Variants in C10orf90 observed in about 807,000 individuals in gnomAD.
The protein encoded by C10orf90 is (E2-independent) E3 ubiquitin-conjugating enzyme FATS.
Under a neutral mutation model 62.5 loss-of-function variants are expected in C10orf90, and 56 were observed. The observed-to-expected ratio is 0.90, with a 90% CI of 0.72 to 1.12. The LOEUF is 1.12. Among genes scored for constraint, C10orf90 ranks in the 50% most tolerant of loss-of-function variants. The pLI is 0.00. For missense variants in C10orf90, 970 were observed against 880.4 expected (o/e 1.10, Z -1.29); for synonymous variants, 386 against 340.4 (o/e 1.13, Z -1.47).
chr10:126,504,856 T>G lies in C10orf90; in HGVS notation c.635A>C (p.Glu212Ala), dbSNP rs750494489. The change falls in exon 4 of 10, where the codon GAG becomes GCG. Residue 212 changes from glutamate to alanine, a missense_variant. Coordinates refer to ENST00000488181, the MANE Select transcript of C10orf90 (RefSeq NM_001350921.2). The surrounding 1 kb of genome is among the most constrained non-coding windows in gnomAD (Gnocchi z 4.1). ...CGGCAGCTCTGCCTCAGGTCCTCGC[T>G]CATCTGACGGTGCCGGGATTCCTAA... ...GRLGIPAPSD[E>A]RGPEAELPPK... 5.9e-5 allele frequency: 95 copies of G among 1,612,390 alleles called. No homozygotes were observed. The highest frequency in any genetic ancestry group is 7.8e-5 in the Non-Finnish European group (92 of 1,178,924).
intron 1 of C10orf90, among the ~76,000 whole-genome samples, chr10:126,654,154 TAA>T (rs1451252818): frequency 1.3e-5 from 2 of 152,286 alleles, no homozygotes; most frequent in Non-Finnish European, 2.9e-5. Context: ...GGTTTCAACT[TAA>T]GTTACCTGCT....
intron 1 of C10orf90, among the ~76,000 whole-genome samples, chr10:126,667,042 A>AT (rs200375180): frequency 1.7e-4 from 25 of 144,020 alleles, no homozygotes; most frequent in African/African-American, 3.3e-4. Context: ...GCTAAACCCA[A>AT]TTTTTTTTTG....
At chr10:126,436,286 C>T (rs1273057842) in intron 7 of C10orf90, among the ~76,000 whole-genome samples, 5 of 152,200 alleles carry the variant, frequency 3.3e-5, no homozygotes, top group Non-Finnish European at 5.9e-5. Context: ...CAAAGTGGTA[C>T]AGACTATTTT....
chr10:126,668,647 C>T (rs951364643), intron 1 of C10orf90, among the ~76,000 whole-genome samples: 26 of 152,192 alleles, frequency 1.7e-4, no homozygotes, highest in Non-Finnish European at 7.3e-5. Context: ...GGTTTTCAAA[C>T]TTGGCCCGCC....
chr10:126,632,083 C>T (rs745992935), intron 2 of C10orf90, among the ~76,000 whole-genome samples: 43 of 152,050 alleles, frequency 2.8e-4, no homozygotes, highest in Admixed American at 1.2e-3. Context: ...AGAATGACCT[C>T]GAAGAGACAC....
intron 4 of C10orf90, among the ~76,000 whole-genome samples, chr10:126,503,100 AAATAGAAAGT>A (rs1449493157): frequency 5.9e-5 from 9 of 152,328 alleles, no homozygotes; most frequent in African/African-American, 2.2e-4. Context: ...ACTTTTTTCC[AAATAGAAAGT>A]AATTCATAAA....
At chr10:126,567,932 G>C (rs1844426902) in intron 2 of C10orf90, among the ~76,000 whole-genome samples, 1 of 152,100 alleles carries the variant, frequency 6.6e-6, no homozygotes, top group Non-Finnish European at 1.5e-5. Context: ...TCCAGGAGAA[G>C]AAATGAGTGG....
At chr10:126,628,919 C>A (rs538895682) in intron 2 of C10orf90, among the ~76,000 whole-genome samples, 48 of 152,204 alleles carry the variant, frequency 3.2e-4, no homozygotes, top group South Asian at 8.3e-4. Flanking sequence ...ACACTGCTAT[C>A]ATGGGTGCCC....
intron 1 of C10orf90, among the ~76,000 whole-genome samples, chr10:126,669,715 T>G (rs1038460736): frequency 6.6e-6 from 1 of 152,088 alleles, no homozygotes; most frequent in Non-Finnish European, 1.5e-5. Context: ...TTTTTTTTTT[T>G]TTTACAAAGT....
chr10:126,578,252 G>T (rs907194847), intron 2 of C10orf90, among the ~76,000 whole-genome samples: 1 of 152,094 alleles, frequency 6.6e-6, no homozygotes, highest in African/African-American at 2.4e-5. Flanking sequence ...CAAAGAATTT[G>T]TATCCAGAGT....
chr10:126,513,775 A>G (rs544214132), intron 3 of C10orf90, 73 bp downstream of exon 3: 11 of 917,550 alleles, frequency 1.2e-5, no homozygotes, highest in Admixed American at 1.9e-5. Context: ...TCACATCACA[A>G]GTAGGTCAGT....
intron 2 of C10orf90, among the ~76,000 whole-genome samples, chr10:126,559,102 T>C (rs1864845083): frequency 6.6e-6 from 1 of 152,250 alleles, no homozygotes; most frequent in Admixed American, 6.5e-5. Context: ...TGCCAGCTGA[T>C]ATTTGGCCAA....
intron 8 of C10orf90, 55 bp from the exon 9 acceptor site, chr10:126,426,145 G>C: frequency 7.1e-7 from 1 of 1,400,888 alleles, no homozygotes; most frequent in East Asian, 2.3e-5. Flanking sequence ...TGCTCCCGCT[G>C]TGGGGCTGCA....
intron 1 of C10orf90, among the ~76,000 whole-genome samples, chr10:126,652,931 A>C (rs527271092): frequency 6.6e-6 from 1 of 152,328 alleles, no homozygotes; most frequent in Admixed American, 6.5e-5. Flanking sequence ...GCAGATTATC[A>C]CAATAAAGCA....
chr10:126,509,246 T>A (rs1175192352), intron 3 of C10orf90, among the ~76,000 whole-genome samples: 1 of 152,238 alleles, frequency 6.6e-6, no homozygotes, highest in Non-Finnish European at 1.5e-5. Flanking sequence ...AAGGTGACAC[T>A]GCTCCTGAGG....
rs868494276 is a variant in C10orf90 at position 126,576,728 on chromosome 10, A to G, written c.314-62789T>C. 2.7e-4 allele frequency among the ~76,000 whole-genome samples: 10 copies of G among 36,922 alleles called. No individual in the cohort carries two copies. In the South Asian group the frequency reaches 3.2e-3, roughly 12 times the overall value. 24.2% of individuals were successfully genotyped at this position (36,922 alleles called of 152,430 possible). On this transcript the variant is annotated intron_variant, in intron 2 of 9. Coordinates refer to ENST00000488181, the MANE Select transcript of C10orf90 (RefSeq NM_001350921.2). ...ATGTATATATATACAAGATATACAT[A>G]TATATGTATATGTATATATACATAT...
chr10:126,464,780 G>A lies in C10orf90; in HGVS notation c.1741C>T (p.Pro581Ser), dbSNP rs755673362. 2.0e-5 allele frequency: 32 copies of A among 1,613,914 alleles called. No individual in the cohort carries two copies. In the Admixed American group the frequency reaches 5.3e-4, roughly 27 times the overall value. ...QSFLKPRILF[P>S]GFLCPLQDVC... Reference sequence around the variant, plus strand: ...TCTTGTAAGGGGCAAAGAAACCCAGGAAAAAGGATTCTGGGTTTCAGGAAG... The same window carrying A: ...TCTTGTAAGGGGCAAAGAAACCCAGAAAAAAGGATTCTGGGTTTCAGGAAG... Residue 581 changes from proline to serine, a missense_variant, in exon 5 of 10, where the codon CCT (proline) becomes TCT (serine). Coordinates refer to ENST00000488181, the MANE Select transcript of C10orf90 (RefSeq NM_001350921.2).
intron 2 of C10orf90, among the ~76,000 whole-genome samples, chr10:126,601,332 T>G (rs954939314): frequency 6.6e-6 from 1 of 152,222 alleles, no homozygotes; most frequent in Non-Finnish European, 1.5e-5. Flanking sequence ...ATAAGTAGAT[T>G]GTAACTGCTC....
intron 4 of C10orf90, among the ~76,000 whole-genome samples, chr10:126,478,147 A>G (rs911169970): frequency 2.0e-5 from 3 of 152,216 alleles, no homozygotes; most frequent in African/African-American, 7.2e-5. Context: ...GGTTTGTGAC[A>G]TGGCATCATT....
Sources: gnomAD v4.1 joint callset for allele counts (sites outside exome capture counted in the v4.1 genomes callset) on GRCh38, gnomAD v4.1.1 for gene constraint, Gnocchi (gnomAD v3.1) non-coding constraint, MANE v1.5 for transcripts, NCBI Gene and HGNC (gene_info 2026-07-23, HGNC 2026-07-21) for gene names.